The following OR3A2 variants were observed in gnomAD, a reference collection of about 807,000 sequenced individuals.
OR3A2 encodes olfactory receptor family 3 subfamily A member 2, also known as olfactory receptor 3A2.
For synonymous variants in OR3A2, 126 were observed against 159.3 expected, an observed-to-expected ratio of 0.79 and a Z score of 1.57; for missense variants, 318 against 392.8, an observed-to-expected ratio of 0.81 and a Z score of 1.61.
intron 1 of OR3A2, among the ~76,000 whole-genome samples, chr17:3,282,444 C>T (rs948647549): frequency 1.1e-4 from 17 of 152,280 alleles, no homozygotes; most frequent in African/African-American, 3.4e-4. Context: ...AAGACTGACC[C>T]GCAGTTTCAT....
chr17:3,333,619 T>A (rs1051124855), intron 3 of OR3A2, among the ~76,000 whole-genome samples: 1 of 152,162 alleles, frequency 6.6e-6, no homozygotes, highest in Non-Finnish European at 1.5e-5. Flanking sequence ...TCTTTCTCTT[T>A]ATTTCTCAGA....
chr17:3,382,407 A>G (rs1397644725), intron 2 of OR3A2, among the ~76,000 whole-genome samples: 53 of 152,260 alleles, frequency 3.5e-4, no homozygotes, highest in Non-Finnish European at 7.4e-5. Context: ...CCCACAGGAA[A>G]CCCACTGAAG....
rs1036756371 is a variant in OR3A2, at chr17:3,277,915, A to G, written c.*55T>C. 4.6e-6 allele frequency: 7 copies of G among 1,522,288 alleles called. No individual in the cohort carries two copies. The African/African-American group carries it at 5.6e-5, about 12-fold the overall frequency. 94.3% of individuals were successfully genotyped at this position (1,522,288 alleles called of 1,614,324 possible). On this transcript the variant is annotated 3_prime_UTR_variant, in exon 2 of 2. Transcript: ENST00000642052. Reference sequence around the variant, plus strand: ...TGAATTTTTCCTGGTTACTGTCTTCATGGGAAATTTTCCTCAGTCCAGAAA... The same window carrying G: ...TGAATTTTTCCTGGTTACTGTCTTCGTGGGAAATTTTCCTCAGTCCAGAAA...
At chr17:3,297,975 GTTC>G (rs58636922) in intron 3 of OR3A2, among the ~76,000 whole-genome samples, 2 of 151,932 alleles carry the variant, frequency 1.3e-5, no homozygotes, top group Admixed American at 6.6e-5. Flanking sequence ...TTTCTTTGTT[GTTC>G]TTCTTTTTTA....
chr17:3,291,806 G>A (rs773990884), intron 3 of OR3A2: 2 of 1,613,774 alleles, frequency 1.2e-6, no homozygotes, highest in Non-Finnish European at 1.7e-6. Flanking sequence ...TATAGTTAAA[G>A]ATACCTGAAC....
chr17:3,310,435 T>C (rs751538060), intron 3 of OR3A2: 17 of 535,470 alleles, frequency 3.2e-5, no homozygotes, highest in Admixed American at 2.5e-4. Context: ...GTCACTACCA[T>C]TGGAGGCACC....
intron 2 of OR3A2, among the ~76,000 whole-genome samples, chr17:3,347,888 A>G (rs2049381519): frequency 6.6e-6 from 1 of 152,168 alleles, no homozygotes. Context: ...CTATTTCTCC[A>G]CATCCTCTCC....
chr17:3,344,500 G>A (rs1021357385), intron 2 of OR3A2, among the ~76,000 whole-genome samples: 1 of 152,012 alleles, frequency 6.6e-6, no homozygotes, highest in Non-Finnish European at 1.5e-5. Flanking sequence ...GTCCCTCTCC[G>A]ATTCCCTTCT....
At chr17:3,296,869 T>C (rs1489777883) in intron 3 of OR3A2, among the ~76,000 whole-genome samples, 1 of 152,212 alleles carries the variant, frequency 6.6e-6, no homozygotes, top group Non-Finnish European at 1.5e-5. Flanking sequence ...TGTGTTAAAC[T>C]TTCAAGGAAT....
chr17:3,363,274 G>C (rs762454770), intron 2 of OR3A2, among the ~76,000 whole-genome samples: 1 of 151,742 alleles, frequency 6.6e-6, no homozygotes, highest in African/African-American at 2.4e-5. Flanking sequence ...TACACTTTTA[G>C]AAACAGCTAG....
intron 3 of OR3A2, chr17:3,310,972 A>G: frequency 1.8e-6 from 1 of 560,250 alleles, no homozygotes; most frequent in Non-Finnish European, 3.6e-6. Flanking sequence ...ACTGTGTCCT[A>G]TGCCCATGTG....
chr17:3,367,335 A>G (rs1418293023), intron 2 of OR3A2, among the ~76,000 whole-genome samples: 6 of 152,012 alleles, frequency 3.9e-5, no homozygotes, highest in Non-Finnish European at 7.4e-5. Flanking sequence ...ACTGTACCCA[A>G]TGTGTAATCT....
At chr17:3,330,842 A>C (rs986959002) in intron 3 of OR3A2, among the ~76,000 whole-genome samples, 2 of 151,884 alleles carry the variant, frequency 1.3e-5, no homozygotes, top group African/African-American at 4.8e-5. Flanking sequence ...ATTTTGCAGC[A>C]GCTGGTACCG....
intron 2 of OR3A2, among the ~76,000 whole-genome samples, chr17:3,343,227 C>T (rs2049335140): frequency 6.6e-6 from 1 of 152,174 alleles, no homozygotes; most frequent in Non-Finnish European, 1.5e-5. Flanking sequence ...TGAGGCGATG[C>T]CCTGCCCTGC....
intron 3 of OR3A2, among the ~76,000 whole-genome samples, chr17:3,302,827 T>C (rs231692): frequency 0.64 from 96,533 of 152,004 alleles, 31,480 homozygotes; most frequent in East Asian, 1. Context: ...TAGGGCTCCA[T>C]ATCCAATGTC....
intron 1 of OR3A2, among the ~76,000 whole-genome samples, chr17:3,384,830 A>G (rs756126999): frequency 1.3e-4 from 20 of 152,080 alleles, no homozygotes; most frequent in Admixed American, 7.2e-4. Flanking sequence ...TTCTGAGCTG[A>G]GTTGTTGCAA....
At chr17:3,378,555 C>T (rs1242162146) in intron 2 of OR3A2, among the ~76,000 whole-genome samples, 1 of 152,128 alleles carries the variant, frequency 6.6e-6, no homozygotes, top group African/African-American at 2.4e-5. Context: ...GGGCTCCTGC[C>T]TCACCAACTT....
intron 1 of OR3A2, among the ~76,000 whole-genome samples, chr17:3,280,390 G>C (rs929024860): frequency 7.2e-5 from 11 of 151,770 alleles, no homozygotes; most frequent in Admixed American, 7.2e-4. Context: ...TCCTGCCTCA[G>C]CCTCCTGAAT....
chr17:3,386,280 C>G lies in OR3A2; in HGVS notation c.-430G>C, dbSNP rs2049776363. On this transcript the variant is annotated 5_prime_UTR_variant, in exon 1 of 5. An upstream start codon of the reference 5' UTR is lost. Transcript: ENST00000573491. ...TCACCGAGAGCTACCTCCTGGCGGCCATGTCCTACGACCGCCCGACGGCGG... is the reference window on the plus strand; with the variant it reads ...TCACCGAGAGCTACCTCCTGGCGGCGATGTCCTACGACCGCCCGACGGCGG... 1 of 398,614 alleles carries G rather than the reference C, an allele frequency of 2.5e-6. No individual in the cohort carries two copies. The highest frequency in any genetic ancestry group is 4.4e-6 in the Non-Finnish European group (1 of 226,188). 24.7% of individuals were successfully genotyped at this position (398,614 alleles called of 1,614,324 possible).
Sources: gnomAD v4.1 joint callset for allele counts (sites outside exome capture counted in the v4.1 genomes callset) on GRCh38, gnomAD v4.1.1 for gene constraint, MANE v1.5 for transcripts, NCBI Gene and HGNC (gene_info 2026-07-23, HGNC 2026-07-21) for gene names.